The following PRKD1 variants were observed in gnomAD, a reference collection of about 807,000 sequenced individuals.
PRKD1 encodes the protein protein kinase D1, also known as serine/threonine-protein kinase D1.
PRKD1 carries 63 observed loss-of-function variants against 95.9 expected under a neutral mutation model. That is an observed-to-expected ratio of 0.66 (90% CI 0.54 to 0.81). The LOEUF is 0.81. Ranked by LOEUF, PRKD1 falls within the 30% of genes least tolerant of loss-of-function variation. PRKD1 has a pLI of 0.00. For missense variants in PRKD1, 1,048 were observed against 1,165.3 expected (o/e 0.90, Z 1.47); for synonymous variants, 425 against 423.1 (o/e 1.00, Z -0.05).
At chr14:29,625,376 T>G (rs1879550859) in intron 12 of PRKD1, among the ~76,000 whole-genome samples, 1 of 152,214 alleles carries the variant, frequency 6.6e-6, no homozygotes, top group Admixed American at 6.5e-5. Context: ...GTGTCTAATC[T>G]TAACGTTTCA....
At chr14:29,651,431 T>C (rs1881488849) in intron 4 of PRKD1, among the ~76,000 whole-genome samples, 1 of 152,186 alleles carries the variant, frequency 6.6e-6, no homozygotes, top group Non-Finnish European at 1.5e-5. Flanking sequence ...TCACTCTTTT[T>C]GAGAAGGCAA....
At chr14:29,582,811 T>A (rs1455555547) in intron 16 of PRKD1, among the ~76,000 whole-genome samples, 1 of 152,150 alleles carries the variant, frequency 6.6e-6, no homozygotes. Context: ...AGAATTTAGA[T>A]CTAGAGTGAA....
intron 1 of PRKD1, among the ~76,000 whole-genome samples, chr14:29,827,449 T>G (rs570401967): frequency 2.6e-5 from 4 of 152,218 alleles, no homozygotes; most frequent in Non-Finnish European, 5.9e-5. Context: ...GACCCTCCAC[T>G]GGTGATCTTT....
chr14:29,818,880 T>C (rs1217136057), intron 1 of PRKD1, among the ~76,000 whole-genome samples: 1 of 152,114 alleles, frequency 6.6e-6, no homozygotes, highest in Non-Finnish European at 1.5e-5. Context: ...ATGTATATAG[T>C]AGATATACTA....
At chr14:29,829,761 C>T (rs991248748) in intron 1 of PRKD1, among the ~76,000 whole-genome samples, 3 of 152,178 alleles carry the variant, frequency 2.0e-5, no homozygotes, top group Non-Finnish European at 2.9e-5. Flanking sequence ...CAGATGTTGT[C>T]CCTAGTCACA....
chr14:29,879,448 T>A (rs996773855), intron 1 of PRKD1, among the ~76,000 whole-genome samples: 13 of 152,080 alleles, frequency 8.5e-5, no homozygotes, highest in Admixed American at 1.3e-4. Context: ...ACCTTTCGCC[T>A]CCCGCCATGA....
At chr14:29,594,185 A>G (rs1169139876) in intron 16 of PRKD1, 4 of 446,774 alleles carry the variant, frequency 9.0e-6, no homozygotes, top group Non-Finnish European at 1.8e-5. Context: ...CTAACAGAAA[A>G]AATACATAAT....
chr14:29,769,243 A>ACT (rs766230414), intron 1 of PRKD1, among the ~76,000 whole-genome samples: 61 of 151,092 alleles, frequency 4.0e-4, no homozygotes, highest in Non-Finnish European at 8.4e-4. Context: ...TATGTAACAC[A>ACT]CTCTCTCTCT....
rs766009512 is a variant in PRKD1, at chr14:29,927,384, C to A, written c.129G>T (p.Ala43=). The part of the protein sequence containing the change: ...PGPAPFLAPV[A]APVGGISFHL... Reference sequence around the variant, plus strand: ...GGAACGAGATGCCCCCGACCGGGGCCGCGACAGGAGCCAAGAACGGCGCGG... The same window carrying A: ...GGAACGAGATGCCCCCGACCGGGGCAGCGACAGGAGCCAAGAACGGCGCGG... The change falls in exon 1 of 18, where the codon GCG becomes GCT. Residue 43 remains alanine (A), a synonymous_variant. Coordinates refer to ENST00000331968, the MANE Select transcript of PRKD1 (RefSeq NM_002742.3). 16 of 1,553,358 alleles carry A rather than the reference C, an allele frequency of 1.0e-5. No homozygotes were observed. In the South Asian group the frequency reaches 1.5e-4, roughly 15 times the overall value.
chr14:29,795,621 C>A (rs979641484), intron 1 of PRKD1, among the ~76,000 whole-genome samples: 1 of 152,028 alleles, frequency 6.6e-6, no homozygotes, highest in Admixed American at 6.6e-5. Flanking sequence ...AATCAGAGTT[C>A]TTTTCTACTG....
intron 1 of PRKD1, among the ~76,000 whole-genome samples, chr14:29,830,762 G>A (rs938094715): frequency 1.3e-5 from 2 of 151,598 alleles, no homozygotes; most frequent in African/African-American, 4.8e-5. Flanking sequence ...GCATGATCAC[G>A]GCTCACTGCA....
chr14:29,872,439 G>C lies in PRKD1; in HGVS notation c.264+54810C>G, dbSNP rs148901000. 1.4e-3 allele frequency among the ~76,000 whole-genome samples: 217 copies of C among 152,122 alleles called. 1 individual carries two copies. Among genetic ancestry groups the C allele is most frequent in the Admixed American group, 4.3e-3 (65 of 15,270 alleles). ...GCACTTTGAGAGGCCAAGGTGGGTGGATCACGAGTCAGGACCATCCTAGCC... is the reference window on the plus strand; with the variant it reads ...GCACTTTGAGAGGCCAAGGTGGGTGCATCACGAGTCAGGACCATCCTAGCC... On this transcript the variant is annotated intron_variant, in intron 1 of 17. Transcript: ENST00000331968.
chr14:29,705,662 C>T (rs1168425200), intron 2 of PRKD1, among the ~76,000 whole-genome samples: 1 of 152,040 alleles, frequency 6.6e-6, no homozygotes, highest in Non-Finnish European at 1.5e-5. Context: ...CCTATGGCAA[C>T]CACTAATCTA....
At chr14:29,859,552 G>A (rs1245264723) in intron 1 of PRKD1, among the ~76,000 whole-genome samples, 2 of 151,084 alleles carry the variant, frequency 1.3e-5, no homozygotes, top group African/African-American at 2.4e-5. Flanking sequence ...AGCTTGCAGT[G>A]AGCTGAGATC....
At chr14:29,835,683 G>A (rs1891585920) in intron 1 of PRKD1, among the ~76,000 whole-genome samples, 1 of 152,108 alleles carries the variant, frequency 6.6e-6, no homozygotes, top group African/African-American at 2.4e-5. Flanking sequence ...CGATTCTCCT[G>A]CCTCAGCCTT....
At chr14:29,676,962 G>A (rs1034487829) in intron 2 of PRKD1, among the ~76,000 whole-genome samples, 4 of 152,108 alleles carry the variant, frequency 2.6e-5, no homozygotes, top group African/African-American at 9.7e-5. Flanking sequence ...AGTCACACCG[G>A]CTACATTCAA....
chr14:29,737,000 C>A (rs890856363), intron 1 of PRKD1, among the ~76,000 whole-genome samples: 2 of 152,078 alleles, frequency 1.3e-5, no homozygotes, highest in Non-Finnish European at 2.9e-5. Flanking sequence ...TGGAACAAAA[C>A]GGAAAGAGAG....
At chr14:29,636,659 A>G (rs1271003923) in intron 6 of PRKD1, among the ~76,000 whole-genome samples, 165 bp from the exon 7 acceptor site, 2 of 152,250 alleles carry the variant, frequency 1.3e-5, no homozygotes, top group Middle Eastern at 3.4e-3. Flanking sequence ...TTAGGAGTAT[A>G]TGTGCAGGTT....
intron 4 of PRKD1, among the ~76,000 whole-genome samples, chr14:29,659,381 T>C (rs1263557034): frequency 6.6e-6 from 1 of 152,210 alleles, no homozygotes; most frequent in Non-Finnish European, 1.5e-5. Flanking sequence ...ACTACACCAC[T>C]ACTGGTTTCT....
Sources: allele counts gnomAD v4.1 joint callset (sites outside exome capture counted in the v4.1 genomes callset), GRCh38; gene constraint gnomAD v4.1.1; transcripts MANE v1.5; gene names NCBI Gene and HGNC (gene_info 2026-07-23, HGNC 2026-07-21).